TAFA1: variants seen among roughly 807,000 people sequenced by gnomAD.
The protein encoded by TAFA1 is TAFA chemokine like family member 1, also known as chemokine-like protein TAFA-1.
Under a neutral mutation model 18.5 loss-of-function variants are expected in TAFA1, and 4 were observed. The ratio of observed to expected loss-of-function variants is 0.22; its 90% CI spans 0.11 to 0.49. The LOEUF (loss-of-function observed/expected upper bound fraction) is 0.49, where lower values mean the gene tolerates loss of function less well. Ranked by LOEUF, TAFA1 falls within the 20% of genes least tolerant of loss-of-function variation. The pLI is 0.98. For missense variants in TAFA1, 147 were observed against 169.0 expected (o/e 0.87, Z 0.72); for synonymous variants, 56 against 55.2 (o/e 1.01, Z -0.06).
intron 2 of TAFA1, among the ~76,000 whole-genome samples, chr3:68,388,353 G>T (rs544323487): frequency 1.8e-4 from 28 of 152,206 alleles, no homozygotes; most frequent in Non-Finnish European, 2.5e-4. Flanking sequence ...AAGCTCCAAA[G>T]CACATTAGCA....
chr3:68,197,154 G>A (rs1429331114), intron 2 of TAFA1, among the ~76,000 whole-genome samples: 1 of 151,684 alleles, frequency 6.6e-6, no homozygotes, highest in Non-Finnish European at 1.5e-5. Context: ...ATCACCAACT[G>A]AAGTAAATGT....
At chr3:68,084,202 T>C (rs1000544530) in intron 2 of TAFA1, among the ~76,000 whole-genome samples, 3 of 152,364 alleles carry the variant, frequency 2.0e-5, no homozygotes, top group East Asian at 1.9e-4. Context: ...TGGAGGAATA[T>C]AGGTGTGGCA....
intron 2 of TAFA1, among the ~76,000 whole-genome samples, chr3:68,311,320 A>G (rs1292384136): frequency 1.4e-5 from 1 of 69,426 alleles, no homozygotes; most frequent in Non-Finnish European, 3.0e-5. Flanking sequence ...ATCAAAACCA[A>G]TCATGCCTTC....
At chr3:68,011,024 T>G (rs2106777266) in intron 2 of TAFA1, among the ~76,000 whole-genome samples, 1 of 152,016 alleles carries the variant, frequency 6.6e-6, no homozygotes, top group East Asian at 1.9e-4. Flanking sequence ...ATTGAACGGT[T>G]TTTGCTAATC....
chr3:68,378,515 G>A (rs1007604887), intron 2 of TAFA1, among the ~76,000 whole-genome samples: 4 of 152,166 alleles, frequency 2.6e-5, no homozygotes, highest in Non-Finnish European at 5.9e-5. Context: ...GAAGGGACTT[G>A]CCTTCTCTCG....
intron 2 of TAFA1, among the ~76,000 whole-genome samples, chr3:68,016,084 G>T (rs1704564292): frequency 6.6e-6 from 1 of 152,062 alleles, no homozygotes; most frequent in African/African-American, 2.4e-5. Context: ...AATTAGTAGT[G>T]GTTTAGTTTC....
chr3:68,419,944 T>C (rs772161443), intron 3 of TAFA1, among the ~76,000 whole-genome samples: 2 of 152,214 alleles, frequency 1.3e-5, no homozygotes, highest in Non-Finnish European at 2.9e-5. Flanking sequence ...ATCTCTGATC[T>C]CGTTTACCTA....
At chr3:68,388,803 C>T (rs1352906454) in intron 2 of TAFA1, among the ~76,000 whole-genome samples, 2 of 151,948 alleles carry the variant, frequency 1.3e-5, no homozygotes, top group South Asian at 2.1e-4. Context: ...TCAGAAGGGA[C>T]CTTTTGGATG....
chr3:68,398,316 G>A (rs933728022), intron 2 of TAFA1, among the ~76,000 whole-genome samples: 2 of 152,146 alleles, frequency 1.3e-5, no homozygotes, highest in Non-Finnish European at 1.5e-5. Flanking sequence ...AACAAGCAAT[G>A]GGGAAAGGAT....
intron 2 of TAFA1, among the ~76,000 whole-genome samples, chr3:68,196,415 T>A: frequency 6.6e-6 from 1 of 151,894 alleles, no homozygotes; most frequent in Admixed American, 6.6e-5. Flanking sequence ...AATTAGTCAA[T>A]TTTGGTGATA....
chr3:68,150,460 T>C (rs138783954), intron 2 of TAFA1, among the ~76,000 whole-genome samples: 149 of 152,338 alleles, frequency 9.8e-4, no homozygotes, highest in African/African-American at 3.4e-3. Flanking sequence ...ATTTGTAGAA[T>C]TGATTTTCAT....
At chr3:68,026,344 T>C (rs749835563) in intron 2 of TAFA1, among the ~76,000 whole-genome samples, 9 of 145,720 alleles carry the variant, frequency 6.2e-5, no homozygotes, top group East Asian at 2.0e-4. Context: ...AGAAATTCCA[T>C]CCCCACCGAG....
chr3:68,409,061 G>A (rs549440778), intron 2 of TAFA1, among the ~76,000 whole-genome samples: 22 of 152,064 alleles, frequency 1.4e-4, no homozygotes, highest in Admixed American at 2.6e-4. Flanking sequence ...GGAGATGTAG[G>A]CTCATACACA....
intron 2 of TAFA1, among the ~76,000 whole-genome samples, chr3:68,385,139 T>C (rs951934524): frequency 6.6e-6 from 1 of 152,088 alleles, no homozygotes; most frequent in Non-Finnish European, 1.5e-5. Context: ...ATCTGTTAAC[T>C]GGAGGTAATA....
intron 2 of TAFA1, among the ~76,000 whole-genome samples, chr3:68,015,533 C>A (rs1704553593): frequency 6.6e-6 from 1 of 152,140 alleles, no homozygotes; most frequent in Non-Finnish European, 1.5e-5. Context: ...GGTGATCCGC[C>A]CACTTAGGCC....
intron 2 of TAFA1, among the ~76,000 whole-genome samples, chr3:68,117,029 T>C (rs2065332954): frequency 6.6e-6 from 1 of 152,224 alleles, no homozygotes; most frequent in Admixed American, 6.5e-5. Context: ...TAGAGTGGGC[T>C]CTCTACATGT....
At chr3:68,294,479 G>A (rs1532201) in intron 2 of TAFA1, among the ~76,000 whole-genome samples, 60,346 of 151,924 alleles carry the variant, frequency 0.4, 12,462 homozygotes, top group African/African-American at 0.43. Context: ...GACAATAAAC[G>A]TTCAACAGTA....
At chr3:68,146,346 A>G (rs886569810) in intron 2 of TAFA1, among the ~76,000 whole-genome samples, 5 of 152,158 alleles carry the variant, frequency 3.3e-5, no homozygotes, top group African/African-American at 4.8e-5. Context: ...TATCTCATCT[A>G]TCTTTAGATG....
intron 3 of TAFA1, among the ~76,000 whole-genome samples, chr3:68,429,377 C>T (rs62245816): frequency 0.012 from 1,879 of 151,972 alleles, 21 homozygotes; most frequent in Non-Finnish European, 0.02. Flanking sequence ...CTATTATTCC[C>T]ACTTTACAAG....
Sources: allele counts gnomAD v4.1 joint callset (sites outside exome capture counted in the v4.1 genomes callset), GRCh38; gene constraint gnomAD v4.1.1; transcripts MANE v1.5; gene names NCBI Gene and HGNC (gene_info 2026-07-23, HGNC 2026-07-21).